CDH13: variants seen among roughly 807,000 people sequenced by gnomAD.
CDH13 encodes the protein cadherin 13.
Under a neutral mutation model 63.8 loss-of-function variants are expected in CDH13, and 24 were observed. That is an observed-to-expected ratio of 0.38 (90% CI 0.27 to 0.53). The LOEUF (loss-of-function observed/expected upper bound fraction) is 0.53. CDH13 is among the 20% of genes least tolerant of loss of function. The probability of loss-of-function intolerance (pLI) is 0.85; values close to 1 mark genes in which losing one functional copy is unlikely to be tolerated. For missense variants in CDH13, 1,049 were observed against 903.1 expected, an observed-to-expected ratio of 1.16 and a Z score of -2.07; for synonymous variants, 503 against 355.3, an observed-to-expected ratio of 1.42 and a Z score of -4.67.
chr16:83,597,457 T>TG (rs1598348817), intron 7 of CDH13, among the ~76,000 whole-genome samples: 1 of 152,216 alleles, frequency 6.6e-6, no homozygotes, highest in African/African-American at 2.4e-5. Context: ...ATTAAATATG[T>TG]GGGTATTTAA....
At chr16:83,345,705 C>T (rs1368344201) in intron 6 of CDH13, among the ~76,000 whole-genome samples, 1 of 152,108 alleles carries the variant, frequency 6.6e-6, no homozygotes, top group South Asian at 2.1e-4. Flanking sequence ...GAAGTCACTC[C>T]TAAGTATAAT....
At chr16:82,671,116 A>G (rs1237801118) in intron 1 of CDH13, among the ~76,000 whole-genome samples, 3 of 152,140 alleles carry the variant, frequency 2.0e-5, no homozygotes, top group Non-Finnish European at 2.9e-5. Context: ...GAGACTGACT[A>G]CTTTGAAAAT....
chr16:82,873,646 C>T (rs911584169), intron 2 of CDH13, among the ~76,000 whole-genome samples: 8 of 152,172 alleles, frequency 5.3e-5, no homozygotes. Context: ...AACAAGATAG[C>T]ACATACAAAG....
chr16:82,888,230 C>T (rs767205959), intron 2 of CDH13, among the ~76,000 whole-genome samples: 6 of 152,234 alleles, frequency 3.9e-5, no homozygotes, highest in East Asian at 1.9e-4. Context: ...ATCAGACGGG[C>T]GCTCCCATTG....
chr16:82,971,943 C>T (rs982134305), intron 2 of CDH13, among the ~76,000 whole-genome samples: 4 of 152,152 alleles, frequency 2.6e-5, no homozygotes, highest in African/African-American at 9.7e-5. Flanking sequence ...TGTGGGGAGC[C>T]TCTTCAGCTA....
intron 5 of CDH13, among the ~76,000 whole-genome samples, chr16:83,271,335 C>G (rs1223842479): frequency 6.9e-6 from 1 of 143,938 alleles, no homozygotes; most frequent in Admixed American, 7.3e-5. Flanking sequence ...CCAGGCTGGA[C>G]TTCTCCTTAT....
At chr16:82,826,697 G>C (rs2038272363) in intron 1 of CDH13, 2 of 152,206 alleles carry the variant, frequency 1.3e-5, no homozygotes, top group Non-Finnish European at 2.9e-5. Context: ...GTAAATTACT[G>C]AATGTGGTAA....
chr16:83,002,031 C>A (rs1033559886), intron 2 of CDH13, among the ~76,000 whole-genome samples: 1 of 152,192 alleles, frequency 6.6e-6, no homozygotes, highest in Non-Finnish European at 1.5e-5. Context: ...CAAATGTGAA[C>A]TGAGCACTTC....
chr16:82,667,089 T>C (rs1256856905), intron 1 of CDH13, among the ~76,000 whole-genome samples: 1 of 152,200 alleles, frequency 6.6e-6, no homozygotes, highest in Non-Finnish European at 1.5e-5. Flanking sequence ...GGGGGAATAC[T>C]TTGACTTGTG....
intron 6 of CDH13, among the ~76,000 whole-genome samples, chr16:83,346,023 A>G (rs1034276756): frequency 6.6e-6 from 1 of 152,180 alleles, no homozygotes; most frequent in Non-Finnish European, 1.5e-5. Flanking sequence ...GGATAATTGT[A>G]TGCAAGATGC....
At chr16:82,732,586 C>T (rs547026382) in intron 1 of CDH13, among the ~76,000 whole-genome samples, 6 of 152,060 alleles carry the variant, frequency 3.9e-5, no homozygotes, top group Non-Finnish European at 5.9e-5. Context: ...GAGATTTATC[C>T]CTCTTATTCT....
chr16:83,562,223 C>T (rs1315021481), intron 7 of CDH13, among the ~76,000 whole-genome samples: 1 of 152,124 alleles, frequency 6.6e-6, no homozygotes, highest in Non-Finnish European at 1.5e-5. Flanking sequence ...AATCTTCTGA[C>T]CTGGATAGGG....
chr16:82,927,072 C>G (rs1477383350), intron 2 of CDH13, among the ~76,000 whole-genome samples: 1 of 152,060 alleles, frequency 6.6e-6, no homozygotes, highest in East Asian at 1.9e-4. Flanking sequence ...CCTTAATGTG[C>G]TTGGTGGTTG....
At chr16:83,155,966 A>C (rs546175756) in intron 4 of CDH13, among the ~76,000 whole-genome samples, 22 of 152,144 alleles carry the variant, frequency 1.4e-4, no homozygotes, top group Non-Finnish European at 2.9e-4. Flanking sequence ...GGTCATCAGC[A>C]TGTCTTTGAG....
At chr16:83,679,733 A>G (rs774939853) in intron 10 of CDH13, among the ~76,000 whole-genome samples, 10 of 152,230 alleles carry the variant, frequency 6.6e-5, no homozygotes, top group Non-Finnish European at 1.5e-4. Context: ...ACAGACTACA[A>G]GGTAGTTGGA....
intron 2 of CDH13, among the ~76,000 whole-genome samples, chr16:82,866,745 A>T (rs2040162166): frequency 6.6e-6 from 1 of 152,116 alleles, no homozygotes; most frequent in African/African-American, 2.4e-5. Context: ...TGGAAGGCAG[A>T]GAGAAAGCAA....
chr16:83,663,114 C>A (rs1913592414), intron 8 of CDH13, among the ~76,000 whole-genome samples: 1 of 152,140 alleles, frequency 6.6e-6, no homozygotes, highest in Non-Finnish European at 1.5e-5. Flanking sequence ...TCTCTTAGTT[C>A]AAATTTATCA....
chr16:83,124,165 C>A lies in CDH13; in HGVS notation c.367-1220C>A, dbSNP rs956178644. ...GGTTCAAGCAATTCTCCTGCCTCAGCCTCCCTAGTAGCTGGGATTACAGGT... is the reference window on the plus strand; with the variant it reads ...GGTTCAAGCAATTCTCCTGCCTCAGACTCCCTAGTAGCTGGGATTACAGGT... On this transcript the variant is annotated intron_variant, in intron 3 of 13. Transcript: ENST00000567109. Among the ~76,000 whole-genome samples the A allele has an allele frequency of 6.6e-5, 10 of 152,240 alleles. No individual in the cohort carries two copies. In the East Asian group the frequency reaches 9.7e-4, roughly 15 times the overall value.
At chr16:82,786,777 C>T (rs2036037512) in intron 1 of CDH13, among the ~76,000 whole-genome samples, 1 of 151,570 alleles carries the variant, frequency 6.6e-6, no homozygotes, top group Admixed American at 6.6e-5. Context: ...TCCTTGCAAT[C>T]GTTTGCTCAG....
Sources: allele counts gnomAD v4.1 joint callset (sites outside exome capture counted in the v4.1 genomes callset), GRCh38; gene constraint gnomAD v4.1.1; transcripts MANE v1.5; gene names NCBI Gene and HGNC (gene_info 2026-07-23, HGNC 2026-07-21).